Variants in INTS4 observed in about 807,000 individuals in gnomAD.
The protein encoded by INTS4 is MSTP093.
A neutral mutation model predicts 119.5 loss-of-function variants in INTS4; 70 were observed. The ratio of observed to expected loss-of-function variants is 0.59; its 90% confidence interval spans 0.48 to 0.71. INTS4 has a LOEUF of 0.71. Ranked by LOEUF, INTS4 falls within the 30% of genes least tolerant of loss-of-function variation. The pLI, the probability that INTS4 is intolerant of heterozygous loss-of-function variation, is 0.00. For missense variants in INTS4, 867 were observed against 1,173.2 expected, an observed-to-expected ratio of 0.74 and a Z score of 3.81; for synonymous variants, 316 against 419.6, an observed-to-expected ratio of 0.75 and a Z score of 3.02.
chr11:77,971,420 A>G (rs1855728592), intron 4 of INTS4, among the ~76,000 whole-genome samples: 1 of 151,996 alleles, frequency 6.6e-6, no homozygotes, highest in Admixed American at 6.6e-5. Context: ...GCCAAGGTGC[A>G]TGGATCACTT....
At chr11:77,967,320 G>C (rs1159117452) in intron 4 of INTS4, among the ~76,000 whole-genome samples, 2 of 152,120 alleles carry the variant, frequency 1.3e-5, no homozygotes, top group African/African-American at 4.8e-5. Context: ...CATGCACAGG[G>C]GAGAGGCCAT....
intron 4 of INTS4, among the ~76,000 whole-genome samples, chr11:77,961,577 C>G (rs1424926916): frequency 6.6e-6 from 1 of 152,124 alleles, no homozygotes; most frequent in Non-Finnish European, 1.5e-5. Flanking sequence ...ATATAACAAG[C>G]ACCCAGATTA....
chr11:77,933,244 T>C (rs1316299371), intron 10 of INTS4, among the ~76,000 whole-genome samples: 1 of 149,836 alleles, frequency 6.7e-6, no homozygotes, highest in Non-Finnish European at 1.5e-5. Context: ...CCTCTCCCTC[T>C]CTCTCCACGG....
chr11:77,912,908 T>C (rs908132841), intron 15 of INTS4, among the ~76,000 whole-genome samples: 1 of 152,248 alleles, frequency 6.6e-6, no homozygotes, highest in African/African-American at 2.4e-5. Context: ...ATGTTCTTCA[T>C]TGGTTAGTGT....
intron 18 of INTS4, among the ~76,000 whole-genome samples, chr11:77,898,233 G>A (rs1396899842): frequency 2.0e-5 from 3 of 152,018 alleles, no homozygotes; most frequent in East Asian, 1.9e-4. Flanking sequence ...GTGCGATCTC[G>A]GCTCACTGCA....
At chr11:77,937,337 G>A (rs1265338859) in intron 10 of INTS4, among the ~76,000 whole-genome samples, 2 of 151,332 alleles carry the variant, frequency 1.3e-5, no homozygotes, top group Non-Finnish European at 2.9e-5. Flanking sequence ...CTTAAAACCA[G>A]TGATAAAGAG....
chr11:77,965,439 C>T (rs961998538), intron 4 of INTS4, among the ~76,000 whole-genome samples: 2 of 152,204 alleles, frequency 1.3e-5, no homozygotes, highest in Non-Finnish European at 2.9e-5. Flanking sequence ...CCTATTCCTC[C>T]TGTTGAGCTG....
At chr11:77,877,142 G>A (rs979383345), downstream of INTS4, 1 of 654,966 alleles carries the variant, frequency 1.5e-6, no homozygotes, top group African/African-American at 1.8e-5. Context: ...TAGACTGCCT[G>A]GAAATAGACT....
intron 22 of INTS4, among the ~76,000 whole-genome samples, chr11:77,882,005 A>T (rs1181038486): frequency 6.6e-6 from 1 of 151,392 alleles, no homozygotes; most frequent in African/African-American, 2.4e-5. Context: ...TTGACCCCCC[A>T]GACTCAAGCA....
rs558707595 is a variant in INTS4, at chr11:77,928,297, G to C, written c.1371+45C>G. On this transcript the variant is annotated intron_variant, in intron 11 of 22. Transcript: ENST00000534064. ...AGCACAATACCTGATTTTAACAGGGGGGGGTGAGGGATGAAGAAATGAGTA... is the reference window on the plus strand; with the variant it reads ...AGCACAATACCTGATTTTAACAGGGCGGGGTGAGGGATGAAGAAATGAGTA... The C allele has an allele frequency of 1.7e-4, 279 of 1,598,566 alleles. 7 individuals are homozygous for C. The South Asian group carries it at 2.7e-3, about 16-fold the overall frequency.
rs771213013 is a variant in INTS4 at position 77,981,609 on chromosome 11, C to T, written c.247-33G>A. On this transcript the variant is annotated intron_variant, in intron 2 of 22. Transcript: ENST00000534064. ...AAAAGAAGCAATTGTCACTTTGATG[C>T]TTTACACTTAGCTAACCAACAAACA... 3.5e-6 allele frequency: 4 copies of T among 1,154,210 alleles called. No individual in the cohort carries two copies. The Admixed American group carries it at 7.9e-5, about 23-fold the overall frequency. 71.5% of individuals were successfully genotyped at this position (1,154,210 alleles called of 1,614,324 possible).
rs1024456757 is a variant in INTS4, at chr11:77,901,639, G to A, written c.2098-88C>T. 2.2e-5 allele frequency: 21 copies of A among 967,640 alleles called. No homozygotes were observed. The African/African-American group carries it at 3.5e-4, about 16-fold the overall frequency. 59.9% of individuals were successfully genotyped at this position (967,640 alleles called of 1,614,324 possible). A position where few individuals can be genotyped will look rare whatever the true frequency, so the allele number is the denominator to read the frequency against. ...GAATTCTACTGTTAAATGACCTTAGGTGAAACTCTTAACTGAGATTTTACA... is the reference window on the plus strand; with the variant it reads ...GAATTCTACTGTTAAATGACCTTAGATGAAACTCTTAACTGAGATTTTACA... On this transcript the variant is annotated intron_variant, in intron 17 of 22. Coordinates refer to ENST00000534064, the MANE Select transcript of INTS4 (RefSeq NM_033547.4).
At chr11:77,977,277 T>C (rs1855990010) in intron 4 of INTS4, among the ~76,000 whole-genome samples, 2 of 152,072 alleles carry the variant, frequency 1.3e-5, no homozygotes, top group Non-Finnish European at 2.9e-5. Context: ...AATTCAGTAA[T>C]AGGTGAATAG....
chr11:77,957,125 G>A (rs1338487495), intron 7 of INTS4, among the ~76,000 whole-genome samples: 1 of 152,058 alleles, frequency 6.6e-6, no homozygotes, highest in African/African-American at 2.4e-5. Context: ...TAGTAGAGAT[G>A]GTTCACCATG....
chr11:77,938,815 G>C lies in INTS4; in HGVS notation c.1001C>G (p.Thr334Ser), dbSNP rs1201271176. The change falls in exon 10 of 23, where the codon ACT (threonine) becomes AGT (serine). Residue 334 changes from threonine to serine, a missense_variant. Around this residue, in one of 5 missense-constraint regions of INTS4, gnomAD observed 208 missense variants for 306.6 expected, o/e 0.68. Coordinates refer to ENST00000534064, the MANE Select transcript of INTS4 (RefSeq NM_033547.4). Reference sequence around the variant, plus strand: ...AAGTTCCTTGGCACGCTCATGTGCAGTACGTTTCCTCTGCAGAGGACAACA... The same window carrying C: ...AAGTTCCTTGGCACGCTCATGTGCACTACGTTTCCTCTGCAGAGGACAACA... ...KLMSDLRRKR[T>S]AHERAKELYS... 1.9e-6 allele frequency: 3 copies of C among 1,610,990 alleles called. No individual in the cohort carries two copies. Among genetic ancestry groups the C allele is most frequent in the Non-Finnish European group, 2.5e-6 (3 of 1,179,478 alleles).
intron 2 of INTS4, among the ~76,000 whole-genome samples, chr11:77,990,248 C>T (rs1856620260): frequency 1.3e-5 from 2 of 149,954 alleles, no homozygotes; most frequent in Admixed American, 6.6e-5. Flanking sequence ...CAAAACTTAG[C>T]CTGGAGTAGT....
intron 4 of INTS4, chr11:77,963,371 AAAAC>A (rs1292086583): frequency 0.047 from 16,532 of 352,824 alleles, 1,300 homozygotes; most frequent in Non-Finnish European, 0.055. Flanking sequence ...AAAAAAAAAA[AAAAC>A]AAAAAAAACT....
At chr11:77,894,205 GAT>G (rs1464415195) in intron 19 of INTS4, 83 bp downstream of exon 19, 9 of 700,414 alleles carry the variant, frequency 1.3e-5, no homozygotes, top group Non-Finnish European at 1.7e-5. Flanking sequence ...CAAGGAATGT[GAT>G]TTGTGATTGT....
intron 17 of INTS4, among the ~76,000 whole-genome samples, chr11:77,901,867 CT>C (rs1198958898): frequency 6.6e-6 from 1 of 151,774 alleles, no homozygotes; most frequent in Non-Finnish European, 1.5e-5. Flanking sequence ...GCCCACTCTG[CT>C]GTGGGAACAA....
Sources: gnomAD v4.1 joint callset for allele counts (sites outside exome capture counted in the v4.1 genomes callset) on GRCh38, gnomAD v4.1.1 for gene constraint, gnomAD v4.1.1 regional missense constraint, MANE v1.5 for transcripts, NCBI Gene and HGNC (gene_info 2026-07-23, HGNC 2026-07-21) for gene names.